The following CSMD1 variants were observed in gnomAD, a reference collection of about 807,000 sequenced individuals.
CSMD1 encodes CUB and sushi domain-containing protein 1.
In CSMD1, 213 loss-of-function variants were observed where a neutral mutation model predicts 417.5. The observed-to-expected ratio is 0.51, with a 90% CI of 0.46 to 0.57. CSMD1 has a LOEUF of 0.57. CSMD1 is among the 20% of genes least tolerant of loss of function. The pLI, the probability that CSMD1 is intolerant of heterozygous loss-of-function variation, is 0.00. For synonymous variants in CSMD1, 2,862 were observed against 1,736.8 expected, an observed-to-expected ratio of 1.65 and a Z score of -16.11; for missense variants, 6,923 against 4,529.7, an observed-to-expected ratio of 1.53 and a Z score of -15.17.
At chr8:4,407,265 T>G (rs879258040) in intron 3 of CSMD1, among the ~76,000 whole-genome samples, 19 of 152,298 alleles carry the variant, frequency 1.2e-4, no homozygotes, top group Admixed American at 6.5e-4. Context: ...AAAAATGACC[T>G]TAACTTTTGG....
intron 7 of CSMD1, among the ~76,000 whole-genome samples, chr8:3,669,712 C>T (rs6998429): frequency 0.17 from 25,388 of 152,008 alleles, 2,247 homozygotes; most frequent in South Asian, 0.22. Context: ...GAACTGGGTA[C>T]AAAGAGGAAG....
Position 4,724,995 on chromosome 8 carries a change from G to C in CSMD1, c.86-87437C>G, listed in dbSNP as rs368947976. 2.5e-4 allele frequency among the ~76,000 whole-genome samples: 38 copies of C among 152,196 alleles called. No individual in the cohort carries two copies. In the South Asian group the frequency reaches 4.8e-3, roughly 19 times the overall value. On this transcript the variant is annotated intron_variant, in intron 1 of 69. Coordinates refer to ENST00000635120, the MANE Select transcript of CSMD1 (RefSeq NM_033225.6). ...TAAGCCCATAACATTTTGGTTGAGGGAAAAGTCGTGAAAGAACACGTTTTA... is the reference window on the plus strand; with the variant it reads ...TAAGCCCATAACATTTTGGTTGAGGCAAAAGTCGTGAAAGAACACGTTTTA...
At chr8:4,238,298 C>G (rs1462011138) in intron 3 of CSMD1, among the ~76,000 whole-genome samples, 1 of 152,186 alleles carries the variant, frequency 6.6e-6, no homozygotes, top group East Asian at 1.9e-4. Flanking sequence ...TGTGCTTCCT[C>G]CTTCTCAGCT....
At chr8:4,161,160 T>C (rs1797135250) in intron 3 of CSMD1, among the ~76,000 whole-genome samples, 1 of 152,010 alleles carries the variant, frequency 6.6e-6, no homozygotes, top group Non-Finnish European at 1.5e-5. Context: ...TGATAAAAGT[T>C]CAGAAGGATG....
intron 25 of CSMD1, among the ~76,000 whole-genome samples, chr8:3,300,216 G>A (rs898559723): frequency 5.9e-5 from 9 of 151,678 alleles, no homozygotes; most frequent in Admixed American, 4.7e-4. Context: ...GAATAACATG[G>A]CGTAAAAAAT....
At chr8:3,957,606 C>G (rs1482496778) in intron 5 of CSMD1, among the ~76,000 whole-genome samples, 5 of 152,044 alleles carry the variant, frequency 3.3e-5, no homozygotes, top group African/African-American at 1.2e-4. Context: ...ATGGCTTGAT[C>G]TCAGGAGTTC....
chr8:3,292,595 C>G (rs1803661721), intron 25 of CSMD1, among the ~76,000 whole-genome samples: 1 of 152,112 alleles, frequency 6.6e-6, no homozygotes, highest in African/African-American at 2.4e-5. Flanking sequence ...CCTTCTTTGT[C>G]TCTTTTGATC....
intron 3 of CSMD1, among the ~76,000 whole-genome samples, chr8:4,360,394 C>A (rs916890177): frequency 5.9e-5 from 9 of 152,284 alleles, no homozygotes; most frequent in Admixed American, 2.6e-4. Context: ...ACTGCAAACT[C>A]CATCTATAAA....
chr8:3,771,088 T>C (rs938387549), intron 5 of CSMD1, among the ~76,000 whole-genome samples: 1 of 152,022 alleles, frequency 6.6e-6, no homozygotes, highest in African/African-American at 2.4e-5. Context: ...CTTGGGGGTA[T>C]TGTATTCTCA....
At chr8:4,413,399 G>T (rs1390661578) in intron 3 of CSMD1, among the ~76,000 whole-genome samples, 1 of 152,032 alleles carries the variant, frequency 6.6e-6, no homozygotes, top group Non-Finnish European at 1.5e-5. Flanking sequence ...CATAAGCCTC[G>T]CTAGATTAGC....
At chr8:3,316,384 A>C (rs923405088) in intron 23 of CSMD1, among the ~76,000 whole-genome samples, 13 of 152,236 alleles carry the variant, frequency 8.5e-5, no homozygotes, top group Admixed American at 5.9e-4. Flanking sequence ...GAGTAAAATA[A>C]AACGGCTCCT....
chr8:3,619,474 G>T (rs1014157158), intron 7 of CSMD1, among the ~76,000 whole-genome samples: 8 of 152,040 alleles, frequency 5.3e-5, no homozygotes, highest in Non-Finnish European at 1.5e-5. Flanking sequence ...AGTCACTGAA[G>T]AAATATATGC....
intron 2 of CSMD1, among the ~76,000 whole-genome samples, chr8:4,453,768 C>T (rs1362875081): frequency 4.0e-5 from 6 of 151,038 alleles, no homozygotes; most frequent in Non-Finnish European, 5.9e-5. Flanking sequence ...TGAGCGAACG[C>T]CTCAGCTTTC....
chr8:4,241,402 C>G (rs902238013), intron 3 of CSMD1, among the ~76,000 whole-genome samples: 1 of 152,166 alleles, frequency 6.6e-6, no homozygotes, highest in African/African-American at 2.4e-5. Context: ...TAAGTACTTG[C>G]TAACCCCATG....
In CSMD1 at chr8:3,387,531, C is replaced by G. The variant is rs1392654258; in HGVS notation, c.2745G>C (p.Arg915Ser). 6.2e-7 allele frequency: 1 copy of G among 1,602,448 alleles called. No individual in the cohort carries two copies. The highest frequency in any genetic ancestry group is 1.1e-5 in the South Asian group (1 of 88,570). Residue 915 changes from arginine (R) to serine (S), a missense_variant, in exon 18 of 70, where the codon AGG (arginine) becomes AGC (serine). By Grantham distance (110) the Arg-to-Ser change is moderately radical. Transcript: ENST00000635120. ...LSDDEPLVCE[R>S]NHQWNHALPS... ...GCAAGGCGTGGTTCCACTGGTGGTT[C>G]CTCTCACAGACGAGGGGCTCGTCGT...
chr8:3,859,829 G>T (rs1804573281), intron 5 of CSMD1, among the ~76,000 whole-genome samples: 1 of 152,174 alleles, frequency 6.6e-6, no homozygotes, highest in Admixed American at 6.5e-5. Context: ...GGCAGGAGAA[G>T]CTGCACATTT....
At chr8:4,312,783 A>G (rs1318846785) in intron 3 of CSMD1, among the ~76,000 whole-genome samples, 2 of 152,248 alleles carry the variant, frequency 1.3e-5, no homozygotes, top group East Asian at 1.9e-4. Flanking sequence ...CTGAAGCAGG[A>G]TAATTGCTTG....
intron 3 of CSMD1, among the ~76,000 whole-genome samples, chr8:4,194,572 C>G (rs943299476): frequency 3.3e-5 from 5 of 152,078 alleles, no homozygotes; most frequent in African/African-American, 4.8e-5. Flanking sequence ...AAAAAGTACG[C>G]CATTTTCTTT....
intron 3 of CSMD1, among the ~76,000 whole-genome samples, chr8:4,319,507 A>G (rs1252333183): frequency 6.6e-6 from 1 of 152,182 alleles, no homozygotes; most frequent in African/African-American, 2.4e-5. Flanking sequence ...ATTTACTCTC[A>G]GAGCAGAAAA....
Sources: gnomAD v4.1 joint callset for allele counts (sites outside exome capture counted in the v4.1 genomes callset) on GRCh38, gnomAD v4.1.1 for gene constraint, MANE v1.5 for transcripts, NCBI Gene and HGNC (gene_info 2026-07-23, HGNC 2026-07-21) for gene names.